SYT1: variants seen among roughly 807,000 people sequenced by gnomAD.
SYT1 encodes synaptotagmin-1.
Under a neutral mutation model 44.8 loss-of-function variants are expected in SYT1, and 8 were observed. The ratio of observed to expected loss-of-function variants is 0.18; its 90% CI spans 0.10 to 0.32. SYT1 has a LOEUF of 0.32. Ranked by LOEUF, SYT1 falls within the 10% of genes least tolerant of loss-of-function variation. The probability of loss-of-function intolerance (pLI) is 1.00; values close to 1 mark genes in which losing one functional copy is unlikely to be tolerated. For missense variants in SYT1, 286 were observed against 509.3 expected, an observed-to-expected ratio of 0.56 and a Z score of 4.22; for synonymous variants, 154 against 188.8, an observed-to-expected ratio of 0.82 and a Z score of 1.51.
intron 4 of SYT1, among the ~76,000 whole-genome samples, chr12:79,236,367 G>A (rs981751623): frequency 3.3e-5 from 5 of 152,056 alleles, no homozygotes; most frequent in Non-Finnish European, 7.4e-5. Flanking sequence ...AGTACTTTGT[G>A]AACTGAACTA....
At chr12:79,028,763 A>C (rs1872671030) in intron 2 of SYT1, among the ~76,000 whole-genome samples, 1 of 151,332 alleles carries the variant, frequency 6.6e-6, no homozygotes, top group South Asian at 2.1e-4. Context: ...TCAATAAACA[A>C]TGAAATGTAT....
intron 9 of SYT1, among the ~76,000 whole-genome samples, chr12:79,424,692 G>T (rs1269138508): frequency 6.6e-6 from 1 of 152,092 alleles, no homozygotes; most frequent in Non-Finnish European, 1.5e-5. Flanking sequence ...GCCATTAATA[G>T]TTCCTAAACA....
chr12:79,000,713 T>C (rs1306110025), intron 2 of SYT1, among the ~76,000 whole-genome samples: 1 of 152,178 alleles, frequency 6.6e-6, no homozygotes, highest in Non-Finnish European at 1.5e-5. Context: ...TAATGGTGCC[T>C]TAGTCATTCA....
intron 1 of SYT1, among the ~76,000 whole-genome samples, chr12:78,884,474 AT>A (rs71091629): frequency 0.48 from 72,377 of 151,224 alleles, 18,043 homozygotes; most frequent in Non-Finnish European, 0.55. Context: ...GTACTAAAGG[AT>A]TTTATAGATT....
chr12:79,084,910 A>AT (rs1449684113), intron 3 of SYT1, among the ~76,000 whole-genome samples: 1 of 152,006 alleles, frequency 6.6e-6, no homozygotes, highest in Non-Finnish European at 1.5e-5. Flanking sequence ...GAATTTTTTG[A>AT]TTTTTTTCAA....
intron 8 of SYT1, among the ~76,000 whole-genome samples, chr12:79,330,167 C>T (rs1384387835): frequency 6.6e-6 from 1 of 152,174 alleles, no homozygotes; most frequent in African/African-American, 2.4e-5. Context: ...TTCACCTCAA[C>T]AGTCTACAGA....
intron 3 of SYT1, among the ~76,000 whole-genome samples, chr12:79,127,344 T>C (rs1252096401): frequency 6.6e-6 from 1 of 152,178 alleles, no homozygotes; most frequent in African/African-American, 2.4e-5. Flanking sequence ...TAATCTGACT[T>C]TGACTTAACA....
At position 79,214,329 on chromosome 12, in the gene SYT1, CT is replaced by C. The variant is rs567991762; in HGVS notation, c.-17-3172del. 2.9e-3 allele frequency among the ~76,000 whole-genome samples: 447 copies of C among 152,100 alleles called. 3 individuals carry two copies. The highest frequency in any genetic ancestry group is 0.01 in the African/African-American group (422 of 41,498). On this transcript the variant is annotated intron_variant, in intron 3 of 10. Transcript: ENST00000261205. ...TGGTAAGAGTTAAAAGCTTATAGCTCTTACTTTTCTGATGAACACCTTCCAA... is the reference window on the plus strand; with the variant it reads ...TGGTAAGAGTTAAAAGCTTATAGCTCTACTTTTCTGATGAACACCTTCCAA...
chr12:78,930,318 A>G (rs79930353), intron 1 of SYT1, among the ~76,000 whole-genome samples: 4,889 of 152,178 alleles, frequency 0.032, 226 homozygotes, highest in East Asian at 0.16. Context: ...AAACCAATAG[A>G]AAAAGAAAGC....
chr12:79,421,353 T>C (rs186928193), intron 9 of SYT1, among the ~76,000 whole-genome samples: 188 of 152,268 alleles, frequency 1.2e-3, no homozygotes, highest in African/African-American at 4.5e-3. Context: ...TATATGCTGG[T>C]GTGTTTTATA....
intron 9 of SYT1, among the ~76,000 whole-genome samples, chr12:79,370,630 A>T (rs1013230257): frequency 6.6e-6 from 1 of 151,942 alleles, no homozygotes; most frequent in African/African-American, 2.4e-5. Context: ...GGGCATGGTG[A>T]CGGGCGCCTG....
At chr12:79,446,536 T>C (rs1350569814) in intron 10 of SYT1, among the ~76,000 whole-genome samples, 1 of 152,204 alleles carries the variant, frequency 6.6e-6, no homozygotes, top group Non-Finnish European at 1.5e-5. Flanking sequence ...TAGCTAGATG[T>C]GGCTGGTAGC....
chr12:78,935,883 C>T (rs184611236), intron 1 of SYT1, among the ~76,000 whole-genome samples: 9 of 152,174 alleles, frequency 5.9e-5, no homozygotes, highest in Admixed American at 2.0e-4. Context: ...GCCACCTAAG[C>T]TATATCTTAG....
chr12:79,108,358 T>C (rs1878827879), intron 3 of SYT1, among the ~76,000 whole-genome samples: 2 of 152,064 alleles, frequency 1.3e-5, no homozygotes, highest in East Asian at 1.9e-4. Flanking sequence ...TGTAAACATA[T>C]GTATCACTTA....
At chr12:78,893,245 A>AT (rs1375327228) in intron 1 of SYT1, among the ~76,000 whole-genome samples, 1 of 151,820 alleles carries the variant, frequency 6.6e-6, no homozygotes, top group Non-Finnish European at 1.5e-5. Context: ...TCTTGCTTTA[A>AT]TTTTTTTAAA....
At chr12:79,296,990 G>C (rs1331177125) in intron 7 of SYT1, among the ~76,000 whole-genome samples, 7 of 152,124 alleles carry the variant, frequency 4.6e-5, no homozygotes, top group African/African-American at 1.7e-4. Context: ...ATATGTTTCT[G>C]AAAAATGAAA....
rs1178789698 is a variant in SYT1, at chr12:79,043,046, G to C, written c.-83-4251G>C. ...TTGCTGAGGAGAGCTTTACTTCCAA[G>C]TATGTGGTCAATTTTGGAATAGGTG... On this transcript the variant is annotated intron_variant, in intron 2 of 10. Coordinates refer to ENST00000261205, the MANE Select transcript of SYT1 (RefSeq NM_005639.3). Among the ~76,000 whole-genome samples, 15 of 146,482 alleles carry C rather than the reference G, an allele frequency of 1.0e-4. 1 individual carries two copies. The Middle Eastern group carries it at 0.014, about 134-fold the overall frequency.
chr12:79,236,925 C>T (rs1287674665), intron 4 of SYT1, among the ~76,000 whole-genome samples: 2 of 152,124 alleles, frequency 1.3e-5, no homozygotes, highest in Admixed American at 6.5e-5. Flanking sequence ...TGAGGTTAGA[C>T]TTTATTTAAT....
chr12:79,069,073 G>C lies in SYT1; in HGVS notation c.-18+21711G>C, dbSNP rs567470809. On this transcript the variant is annotated intron_variant, in intron 3 of 10. Coordinates refer to ENST00000261205, the MANE Select transcript of SYT1 (RefSeq NM_005639.3). The stretch of plus-strand genomic sequence containing the variant: ...AGAATTATAAAGCCAAAGCTCTAGA[G>C]TTCAATAAAGGAAAGGCAGTTAATG... 1.1e-4 allele frequency among the ~76,000 whole-genome samples: 16 copies of C among 152,184 alleles called. No individual in the cohort carries two copies. The South Asian group carries it at 3.1e-3, about 30-fold the overall frequency.
Sources: allele counts gnomAD v4.1 joint callset (sites outside exome capture counted in the v4.1 genomes callset), GRCh38; gene constraint gnomAD v4.1.1; transcripts MANE v1.5; gene names NCBI Gene and HGNC (gene_info 2026-07-23, HGNC 2026-07-21).